TJP1: variants seen among roughly 807,000 people sequenced by gnomAD.
The protein encoded by TJP1 is tight junction protein 1.
In TJP1, 43 loss-of-function variants were observed where a neutral mutation model predicts 194.2. The ratio of observed to expected loss-of-function variants is 0.22; its 90% CI spans 0.17 to 0.29. TJP1 has a LOEUF of 0.29. TJP1 is among the 10% of genes least tolerant of loss of function. TJP1 has a pLI of 1.00. For synonymous variants in TJP1, 801 were observed against 779.0 expected, an observed-to-expected ratio of 1.03 and a Z score of -0.47; for missense variants, 1,971 against 2,185.7, an observed-to-expected ratio of 0.90 and a Z score of 1.96.
intron 2 of TJP1, among the ~76,000 whole-genome samples, chr15:29,887,362 G>A (rs1182249735): frequency 6.6e-6 from 1 of 151,218 alleles, no homozygotes; most frequent in Non-Finnish European, 1.5e-5. Flanking sequence ...AGTGCAATGC[G>A]CAATCTCGGC....
intron 2 of TJP1, among the ~76,000 whole-genome samples, chr15:29,867,411 T>A (rs147512203): frequency 1.2e-3 from 188 of 152,272 alleles, no homozygotes; most frequent in African/African-American, 4.4e-3. Flanking sequence ...TGGAAGAAGG[T>A]AACTTGCTTC....
intron 2 of TJP1, among the ~76,000 whole-genome samples, chr15:29,777,773 C>G (rs2047110374): frequency 2.0e-5 from 3 of 152,148 alleles, no homozygotes; most frequent in Admixed American, 6.5e-5. Flanking sequence ...ACACATACCT[C>G]TCTCACAATA....
chr15:29,768,696 G>A (rs1045845232), intron 4 of TJP1, among the ~76,000 whole-genome samples: 2 of 152,100 alleles, frequency 1.3e-5, no homozygotes, highest in Non-Finnish European at 2.9e-5. Context: ...TCTAGTAGGT[G>A]CTTAACTTAT....
At chr15:29,950,835 G>T (rs2055722238) in intron 2 of TJP1, among the ~76,000 whole-genome samples, 1 of 152,122 alleles carries the variant, frequency 6.6e-6, no homozygotes, top group South Asian at 2.1e-4. Context: ...GGCCTCTCAG[G>T]GTCCCACCAG....
At chr15:29,748,508 G>C (rs1254706942) in intron 8 of TJP1, among the ~76,000 whole-genome samples, 1 of 146,258 alleles carries the variant, frequency 6.8e-6, no homozygotes, top group Non-Finnish European at 1.5e-5. Flanking sequence ...GGCAATTATT[G>C]AAAGAAATTG....
chr15:29,703,133 C>G (rs1049598402), intron 27 of TJP1, among the ~76,000 whole-genome samples: 2 of 152,140 alleles, frequency 1.3e-5, no homozygotes, highest in Non-Finnish European at 2.9e-5. Flanking sequence ...TTAAGTTTCT[C>G]TGGTATACAT....
At chr15:29,775,208 T>TA (rs1307041913) in intron 2 of TJP1, among the ~76,000 whole-genome samples, 2 of 152,144 alleles carry the variant, frequency 1.3e-5, no homozygotes, top group Non-Finnish European at 2.9e-5. Flanking sequence ...AAGTCACCCT[T>TA]ATTTTACTTA....
At chr15:29,813,966 C>G (rs1018490611) in intron 1 of TJP1, among the ~76,000 whole-genome samples, 2 of 152,184 alleles carry the variant, frequency 1.3e-5, no homozygotes, top group Non-Finnish European at 2.9e-5. Flanking sequence ...ACAGTAACAG[C>G]TAGTATAGTG....
intron 2 of TJP1, among the ~76,000 whole-genome samples, chr15:29,849,724 G>C (rs140550759): frequency 3.9e-4 from 57 of 148,012 alleles, no homozygotes; most frequent in African/African-American, 1.2e-3. Context: ...TCCAGCCTGG[G>C]CAACAGAGAG....
At chr15:29,826,159 GA>G, upstream of TJP1, among the ~76,000 whole-genome samples, 1 of 19,698 alleles carries the variant, frequency 5.1e-5, no homozygotes, top group East Asian at 2.4e-3. Context: ...TTTTTAAAAA[GA>G]AGACATAAAC....
intron 1 of TJP1, among the ~76,000 whole-genome samples, chr15:29,802,938 T>C (rs2048882946): frequency 6.6e-6 from 1 of 152,194 alleles, no homozygotes; most frequent in Admixed American, 6.5e-5. Context: ...CTCTAAGGTC[T>C]TAATGAACAC....
At chr15:29,901,123 G>T (rs1596216460) in intron 2 of TJP1, among the ~76,000 whole-genome samples, 1 of 152,196 alleles carries the variant, frequency 6.6e-6, no homozygotes, top group African/African-American at 2.4e-5. Flanking sequence ...TGGCACAGCT[G>T]GGAAAAAGGT....
intron 2 of TJP1, among the ~76,000 whole-genome samples, chr15:29,800,101 C>G (rs2048685364): frequency 6.6e-6 from 1 of 152,170 alleles, no homozygotes; most frequent in Admixed American, 6.5e-5. Flanking sequence ...AAGAGAAAGG[C>G]AGAACCAGAA....
chr15:29,762,640 A>C (rs2046080414), intron 5 of TJP1, among the ~76,000 whole-genome samples: 2 of 152,300 alleles, frequency 1.3e-5, no homozygotes, highest in South Asian at 4.1e-4. Context: ...GCCAAGGGAA[A>C]GTGTATGGTT....
At chr15:29,699,550 CTA>C, downstream of TJP1, 1 of 152,210 alleles carries the variant, frequency 6.6e-6, no homozygotes, top group Middle Eastern at 3.4e-3. Context: ...AAAATTTGAA[CTA>C]TACATTTTAA....
chr15:29,807,106 A>G (rs2049161282), intron 1 of TJP1, among the ~76,000 whole-genome samples: 1 of 152,264 alleles, frequency 6.6e-6, no homozygotes, highest in Admixed American at 6.5e-5. Flanking sequence ...TTAAATTTAC[A>G]AATGTATCAC....
intron 2 of TJP1, among the ~76,000 whole-genome samples, chr15:29,773,965 C>CAAG (rs2046853412): frequency 6.6e-6 from 1 of 151,970 alleles, no homozygotes; most frequent in Non-Finnish European, 1.5e-5. Context: ...CTGAAAGAGC[C>CAAG]AAGAATCTTT....
intron 2 of TJP1, among the ~76,000 whole-genome samples, chr15:29,953,100 T>C (rs1382746654): frequency 6.7e-6 from 1 of 149,594 alleles, no homozygotes; most frequent in East Asian, 2.0e-4. Flanking sequence ...TTTTTTCAAA[T>C]GTGTAGCCCC....
At chr15:29,919,299 A>T (rs73371161) in intron 2 of TJP1, among the ~76,000 whole-genome samples, 2 of 152,314 alleles carry the variant, frequency 1.3e-5, no homozygotes, top group Admixed American at 6.5e-5. Flanking sequence ...CCCAGAGGGC[A>T]TTAGGTTGGT....
Sources: allele counts gnomAD v4.1 joint callset (sites outside exome capture counted in the v4.1 genomes callset), GRCh38; gene constraint gnomAD v4.1.1; transcripts MANE v1.5; gene names NCBI Gene and HGNC (gene_info 2026-07-23, HGNC 2026-07-21).